The following THRB variants were observed in gnomAD, a reference collection of about 807,000 sequenced individuals.
THRB encodes the protein thyroid hormone receptor beta.
In THRB, 12 loss-of-function variants were observed where a neutral mutation model predicts 47.8. The observed-to-expected ratio is 0.25, with a 90% CI of 0.16 to 0.41. The LOEUF is 0.41. Ranked by LOEUF, THRB falls within the 10% of genes least tolerant of loss-of-function variation. THRB has a pLI of 1.00. For missense variants in THRB, 348 were observed against 589.2 expected (o/e 0.59, Z 4.24); for synonymous variants, 218 against 212.2 (o/e 1.03, Z -0.24).
rs2054815486 is a variant in THRB at position 24,283,128 on chromosome 3, C to CA, written c.-43+14097dup. ...TACCAAAGCCGGGCAGAGACACAAC[C>CA]AAAAAAGAGAATTTTAGACCAATAT... On this transcript the variant is annotated intron_variant, in intron 3 of 10. Coordinates refer to ENST00000646209, the MANE Select transcript of THRB (RefSeq NM_001354712.2). Among the ~76,000 whole-genome samples, 6 of 141,110 alleles carry CA rather than the reference C, an allele frequency of 4.3e-5. No homozygotes were observed. In the South Asian group the frequency reaches 1.2e-3, roughly 28 times the overall value. 92.6% of individuals were successfully genotyped at this position (141,110 alleles called of 152,430 possible).
At chr3:24,431,259 TCTACACACAC>T (rs907993318) in intron 1 of THRB, among the ~76,000 whole-genome samples, 3 of 79,786 alleles carry the variant, frequency 3.8e-5, no homozygotes, top group Non-Finnish European at 5.9e-5. Context: ...TCTCTCTCTC[TCTACACACAC>T]ACACACACAC....
At chr3:24,232,661 G>T (rs2048369292) in intron 3 of THRB, among the ~76,000 whole-genome samples, 1 of 152,184 alleles carries the variant, frequency 6.6e-6, no homozygotes, top group Non-Finnish European at 1.5e-5. Context: ...GGTGTGATAA[G>T]ACCCAATGTG....
intron 1 of THRB, among the ~76,000 whole-genome samples, chr3:24,410,156 G>T (rs2068163354): frequency 6.6e-6 from 1 of 151,854 alleles, no homozygotes; most frequent in South Asian, 2.1e-4. Flanking sequence ...TTAGAAAGCA[G>T]TGAGAAAGGA....
chr3:24,482,432 G>A (rs145252694), intron 1 of THRB, among the ~76,000 whole-genome samples: 195 of 152,240 alleles, frequency 1.3e-3, no homozygotes, highest in African/African-American at 3.8e-3. Context: ...AACTCAGTCT[G>A]CCTTTCAATG....
At chr3:24,414,092 A>G (rs2068550970) in intron 1 of THRB, among the ~76,000 whole-genome samples, 1 of 152,012 alleles carries the variant, frequency 6.6e-6, no homozygotes, top group East Asian at 2.0e-4. Context: ...TGTATAAGCA[A>G]ATGGAAACAG....
chr3:24,412,069 G>C (rs2068353925), intron 1 of THRB, among the ~76,000 whole-genome samples: 1 of 151,744 alleles, frequency 6.6e-6, no homozygotes, highest in African/African-American at 2.4e-5. Flanking sequence ...GACATGTACA[G>C]AGTACTCCAT....
At chr3:24,305,117 C>A (rs546297261) in intron 2 of THRB, among the ~76,000 whole-genome samples, 11 of 152,242 alleles carry the variant, frequency 7.2e-5, no homozygotes, top group African/African-American at 2.6e-4. Context: ...TTGAAAAAGA[C>A]GAAAACCTCC....
intron 4 of THRB, among the ~76,000 whole-genome samples, chr3:24,223,067 G>C (rs542467256): frequency 6.6e-6 from 1 of 152,110 alleles, no homozygotes; most frequent in South Asian, 2.1e-4. Context: ...ATTCTGCATC[G>C]TTGCTCTCCT....
intron 1 of THRB, among the ~76,000 whole-genome samples, chr3:24,454,732 T>C (rs2073004227): frequency 6.6e-6 from 1 of 152,158 alleles, no homozygotes; most frequent in African/African-American, 2.4e-5. Flanking sequence ...TCTTTTTCTA[T>C]AGATATTGTT....
At chr3:24,192,339 T>G (rs1469438215) in intron 4 of THRB, among the ~76,000 whole-genome samples, 2 of 152,080 alleles carry the variant, frequency 1.3e-5, no homozygotes, top group Non-Finnish European at 2.9e-5. Flanking sequence ...TTGATTTTAT[T>G]TCTACAGACA....
intron 1 of THRB, among the ~76,000 whole-genome samples, chr3:24,451,877 C>T (rs972061416): frequency 9.9e-5 from 15 of 152,194 alleles, no homozygotes; most frequent in Admixed American, 3.3e-4. Context: ...GGTTTACTGA[C>T]GTGGGGTGAA....
chr3:24,232,137 A>G (rs1288094306), intron 3 of THRB, among the ~76,000 whole-genome samples: 1 of 152,196 alleles, frequency 6.6e-6, no homozygotes, highest in Non-Finnish European at 1.5e-5. Flanking sequence ...AACTGCTTCA[A>G]CAGTTCAGCA....
intron 2 of THRB, among the ~76,000 whole-genome samples, chr3:24,306,881 A>T (rs1309543717): frequency 6.6e-6 from 1 of 152,216 alleles, no homozygotes; most frequent in Non-Finnish European, 1.5e-5. Flanking sequence ...AGAGTTTAAT[A>T]ATCACTTAGG....
At chr3:24,208,018 G>C (rs190777174) in intron 4 of THRB, among the ~76,000 whole-genome samples, 2 of 152,148 alleles carry the variant, frequency 1.3e-5, no homozygotes, top group Non-Finnish European at 2.9e-5. Flanking sequence ...CAAAATCAAT[G>C]TGCAAAAATC....
intron 1 of THRB, among the ~76,000 whole-genome samples, chr3:24,374,279 T>G (rs2065125516): frequency 6.6e-6 from 1 of 152,108 alleles, no homozygotes; most frequent in Admixed American, 6.6e-5. Flanking sequence ...GAGACAACAT[T>G]ATAAGCATAT....
At chr3:24,188,815 CT>C (rs1276200432) in intron 5 of THRB, among the ~76,000 whole-genome samples, 1 of 136,884 alleles carries the variant, frequency 7.3e-6, no homozygotes, top group South Asian at 2.3e-4. Flanking sequence ...CTTTATTTTG[CT>C]TTTTTTTCTA....
At chr3:24,231,963 GT>G (rs144607905) in intron 3 of THRB, among the ~76,000 whole-genome samples, 2,255 of 152,326 alleles carry the variant, frequency 0.015, 60 homozygotes, top group African/African-American at 0.051. Context: ...GGGTCAAGGA[GT>G]TGTTGAGTTA....
At position 24,381,139 on chromosome 3, in the gene THRB, T is replaced by C. The variant is rs372939338; in HGVS notation, c.-260-43768A>G. On this transcript the variant is annotated intron_variant, in intron 1 of 10. Transcript: ENST00000646209. Reference sequence around the variant, plus strand: ...AAAAAAAAAAAAAAAAAAATTACCATTTCTAAATTTAGTAAAATGAATAAA... The same window carrying C: ...AAAAAAAAAAAAAAAAAAATTACCACTTCTAAATTTAGTAAAATGAATAAA... Among the ~76,000 whole-genome samples the C allele has an allele frequency of 2.9e-4, 44 of 150,368 alleles. 1 individual carries two copies. The highest frequency in any genetic ancestry group is 2.5e-3 in the South Asian group (12 of 4,750).
At chr3:24,403,209 T>C (rs771391921) in intron 1 of THRB, among the ~76,000 whole-genome samples, 23 of 151,864 alleles carry the variant, frequency 1.5e-4, no homozygotes, top group Non-Finnish European at 2.7e-4. Context: ...CAAAACAAAA[T>C]AAAAATATAC....
Sources: allele counts gnomAD v4.1 joint callset (sites outside exome capture counted in the v4.1 genomes callset), GRCh38; gene constraint gnomAD v4.1.1; transcripts MANE v1.5; gene names NCBI Gene and HGNC (gene_info 2026-07-23, HGNC 2026-07-21).